The following LINGO2 variants were observed in gnomAD, a reference collection of about 807,000 sequenced individuals.
LINGO2 encodes the protein leucine rich repeat and Ig domain containing 2.
Under a neutral mutation model 30.6 loss-of-function variants are expected in LINGO2, and 14 were observed. That is an observed-to-expected ratio of 0.46 (90% CI 0.30 to 0.72). The LOEUF (loss-of-function observed/expected upper bound fraction) is 0.72, where lower values mean the gene tolerates loss of function less well. Ranked by LOEUF, LINGO2 falls within the 30% of genes least tolerant of loss-of-function variation. The pLI is 0.07. For synonymous variants in LINGO2, 317 were observed against 288.5 expected, an observed-to-expected ratio of 1.10 and a Z score of -1.00; for missense variants, 729 against 751.7, an observed-to-expected ratio of 0.97 and a Z score of 0.35.
intron 5 of LINGO2, among the ~76,000 whole-genome samples, chr9:27,966,022 G>A (rs930641352): frequency 6.6e-6 from 1 of 152,036 alleles, no homozygotes; most frequent in Non-Finnish European, 1.5e-5. Context: ...CAGGGTTACT[G>A]TGTGAATGAA....
downstream of LINGO2, among the ~76,000 whole-genome samples, chr9:27,947,587 C>T (rs545485886): frequency 6.6e-6 from 1 of 152,190 alleles, no homozygotes; most frequent in East Asian, 1.9e-4. Context: ...GGAAGAAACC[C>T]TGAAGTTGTC....
At chr9:28,304,053 C>G (rs540177606) in intron 3 of LINGO2, among the ~76,000 whole-genome samples, 27 of 151,958 alleles carry the variant, frequency 1.8e-4, no homozygotes, top group Non-Finnish European at 1.9e-4. Flanking sequence ...CTGGGTTTCC[C>G]TGCAATATGA....
the LINGO2 span, among the ~76,000 whole-genome samples, chr9:29,186,172 A>G: frequency 2.6e-5 from 4 of 152,150 alleles, no homozygotes; most frequent in East Asian, 7.7e-4. Flanking sequence ...ACTTTTACAG[A>G]CTATTCTCAA....
chr9:28,724,208 T>C, the LINGO2 span, among the ~76,000 whole-genome samples: 1 of 152,150 alleles, frequency 6.6e-6, no homozygotes, highest in African/African-American at 2.4e-5. Flanking sequence ...CACTGTTTCT[T>C]GAGTTCTTAT....
the LINGO2 span, among the ~76,000 whole-genome samples, chr9:28,740,869 A>G: frequency 2.0e-5 from 3 of 152,076 alleles, no homozygotes; most frequent in East Asian, 3.9e-4. Flanking sequence ...TGTGTACAAT[A>G]GATCTTTTGA....
At chr9:28,403,505 G>C (rs752808471) in intron 2 of LINGO2, among the ~76,000 whole-genome samples, 1 of 152,118 alleles carries the variant, frequency 6.6e-6, no homozygotes, top group Admixed American at 6.6e-5. Flanking sequence ...GTCCTGCCAG[G>C]ATTCTGACAA....
At chr9:28,592,648 A>G (rs766344625) in intron 1 of LINGO2, among the ~76,000 whole-genome samples, 51 of 152,074 alleles carry the variant, frequency 3.4e-4, no homozygotes, top group Non-Finnish European at 6.6e-4. Flanking sequence ...TGAACCAATC[A>G]ATCCCTGTGG....
chr9:28,017,699 A>G (rs914242901), intron 4 of LINGO2, among the ~76,000 whole-genome samples: 6 of 152,184 alleles, frequency 3.9e-5, no homozygotes, highest in Non-Finnish European at 8.8e-5. Context: ...AACACTGCTT[A>G]AAGAAATCAG....
intron 4 of LINGO2, among the ~76,000 whole-genome samples, chr9:28,284,627 T>C (rs745341838): frequency 1.3e-5 from 2 of 152,194 alleles, no homozygotes; most frequent in Admixed American, 6.5e-5. Context: ...TACGGCTAGA[T>C]TAATGTCAGG....
intron 4 of LINGO2, among the ~76,000 whole-genome samples, chr9:28,170,204 G>C (rs1373001872): frequency 6.6e-6 from 1 of 152,186 alleles, no homozygotes; most frequent in Non-Finnish European, 1.5e-5. Context: ...GACACATTTT[G>C]AGGCACGGAA....
At chr9:28,512,076 C>T (rs1820408545) in intron 1 of LINGO2, among the ~76,000 whole-genome samples, 2 of 152,106 alleles carry the variant, frequency 1.3e-5, no homozygotes, top group Admixed American at 6.5e-5. Flanking sequence ...GAGCCACTTC[C>T]TCATGTAACT....
the LINGO2 span, among the ~76,000 whole-genome samples, chr9:29,085,281 T>TAAAAAAAAAAAAAAAAAAA: frequency 3.2e-4 from 25 of 77,044 alleles, no homozygotes; most frequent in South Asian, 5.4e-4. Flanking sequence ...CTATGGTAAG[T>TAAAAAAAAAAAAAAAAAAA]AAAAAAAAAA....
At chr9:28,364,235 A>G (rs1820570733) in intron 3 of LINGO2, among the ~76,000 whole-genome samples, 1 of 152,218 alleles carries the variant, frequency 6.6e-6, no homozygotes, top group Admixed American at 6.5e-5. Context: ...ATATGTTGCA[A>G]GTGATTGATT....
At chr9:28,011,811 C>A (rs941348992) in intron 5 of LINGO2, among the ~76,000 whole-genome samples, 3 of 152,130 alleles carry the variant, frequency 2.0e-5, no homozygotes, top group Non-Finnish European at 2.9e-5. Context: ...GAGAAGTGGC[C>A]TGATGAGGGA....
the LINGO2 span, among the ~76,000 whole-genome samples, chr9:29,128,033 G>A: frequency 6.6e-6 from 1 of 152,066 alleles, no homozygotes; most frequent in Non-Finnish European, 1.5e-5. Context: ...TCACTCTAGT[G>A]GAAGGGGAAG....
the LINGO2 span, among the ~76,000 whole-genome samples, chr9:29,076,360 A>G: frequency 4.3e-4 from 66 of 151,964 alleles, no homozygotes; most frequent in Non-Finnish European, 5.1e-4. Context: ...AGCAGCAAGC[A>G]TTTCCTTAAC....
Position 28,540,330 on chromosome 9 carries a change from G to C in LINGO2, c.-364-64305C>G, listed in dbSNP as rs114234153. On this transcript the variant is annotated intron_variant, in intron 1 of 5. Transcript: ENST00000379992. ...GCTGGAATACAGTGGCACAATTACA[G>C]CTCACTGCAGCTTCAACCTCTCCAG... 5.6e-3 allele frequency among the ~76,000 whole-genome samples: 845 copies of C among 150,952 alleles called. 9 individuals are homozygous for C. Among genetic ancestry groups the C allele is most frequent in the African/African-American group, 0.02 (810 of 41,048 alleles).
At chr9:28,514,544 C>T (rs1820542609) in intron 1 of LINGO2, among the ~76,000 whole-genome samples, 1 of 152,198 alleles carries the variant, frequency 6.6e-6, no homozygotes, top group Admixed American at 6.5e-5. Flanking sequence ...ACAACATTCT[C>T]TAAGCCAAAA....
chr9:28,219,230 T>C (rs1260182152), intron 4 of LINGO2, among the ~76,000 whole-genome samples: 8 of 152,178 alleles, frequency 5.3e-5, no homozygotes, highest in Non-Finnish European at 1.2e-4. Flanking sequence ...CAGGCACCCA[T>C]GTAGGCCCTA....
Sources: allele counts gnomAD v4.1 joint callset (sites outside exome capture counted in the v4.1 genomes callset), GRCh38; gene constraint gnomAD v4.1.1; transcripts MANE v1.5; gene names NCBI Gene and HGNC (gene_info 2026-07-23, HGNC 2026-07-21).